The following DIS3L2 variants were observed in gnomAD, a reference collection of about 807,000 sequenced individuals.
DIS3L2 encodes the protein DIS3-like exonuclease 2.
A neutral mutation model predicts 97.5 loss-of-function variants in DIS3L2; 34 were observed. The ratio of observed to expected loss-of-function variants is 0.35; its 90% CI spans 0.27 to 0.46. DIS3L2 has a LOEUF of 0.46. DIS3L2 is among the 20% of genes least tolerant of loss of function. The pLI is 1.00. For missense variants in DIS3L2, 1,038 were observed against 1,146.0 expected (o/e 0.91, Z 1.36); for synonymous variants, 435 against 445.2 (o/e 0.98, Z 0.29).
intron 9 of DIS3L2, chr2:232,172,805 AG>A: frequency 1.9e-6 from 1 of 532,106 alleles, no homozygotes. Context: ...TTGTGATTAT[AG>A]CCATCATTGT....
intron 10 of DIS3L2, among the ~76,000 whole-genome samples, chr2:232,237,861 A>G (rs890300450): frequency 1.3e-5 from 2 of 152,220 alleles, no homozygotes; most frequent in Admixed American, 1.3e-4. Context: ...AGTATGAGCC[A>G]AGCCAACATC....
intron 9 of DIS3L2, among the ~76,000 whole-genome samples, chr2:232,193,999 A>G (rs1691681541): frequency 6.6e-6 from 1 of 152,158 alleles, no homozygotes; most frequent in African/African-American, 2.4e-5. Flanking sequence ...AGTCCCAGCT[A>G]CTTGGGAGGC....
chr2:232,100,580 T>G (rs919523884), intron 6 of DIS3L2, among the ~76,000 whole-genome samples: 7 of 152,098 alleles, frequency 4.6e-5, no homozygotes, highest in Non-Finnish European at 8.8e-5. Context: ...GTTTTTATTA[T>G]TATTCACTTT....
At chr2:232,336,311 G>A (rs1379061174) in intron 20 of DIS3L2, 158 bp from the exon 21 acceptor site, 1 of 1,547,386 alleles carries the variant, frequency 6.5e-7, no homozygotes, top group African/African-American at 1.4e-5. Context: ...CTGACCCAGG[G>A]CATTCTTCCT....
Position 232,325,308 on chromosome 2 carries a change from T to G in DIS3L2, c.1740-4505T>G, listed in dbSNP as rs1695541898. Among the ~76,000 whole-genome samples, 1 of 152,204 alleles carries G rather than the reference T, an allele frequency of 6.6e-6. No individual in the cohort carries two copies. Among genetic ancestry groups the G allele is most frequent in the Non-Finnish European group, 1.5e-5 (1 of 68,036 alleles). ...CGTAAACGCATGAAGAGCCCTGCGTTTCATATATTGATGTTGTTGCTTTTT... is the reference window on the plus strand; with the variant it reads ...CGTAAACGCATGAAGAGCCCTGCGTGTCATATATTGATGTTGTTGCTTTTT... On this transcript the variant is annotated intron_variant, in intron 14 of 20. Transcript: ENST00000325385. The surrounding 1 kb of genome is among the most constrained non-coding windows in gnomAD (Gnocchi z 4.6).
rs575740946 is a variant in DIS3L2 at position 232,238,675 on chromosome 2, T to G, written c.1317+30T>G. ...AAATCCATCTCTAGTTTCTTTTTTC[T>G]TGCTTTGTTTATTTGTTTGTTTCCC... On this transcript the variant is annotated intron_variant, in intron 11 of 20. Coordinates refer to ENST00000325385, the MANE Select transcript of DIS3L2 (RefSeq NM_152383.5). 3.2e-6 allele frequency: 5 copies of G among 1,574,562 alleles called. No homozygotes were observed. The African/African-American group carries it at 6.8e-5, about 21-fold the overall frequency.
Position 231,996,173 on chromosome 2 carries a change from G to A in DIS3L2, c.-93-18662G>A, listed in dbSNP as rs542567094. On this transcript the variant is annotated intron_variant, in intron 1 of 20. Coordinates refer to ENST00000325385, the MANE Select transcript of DIS3L2 (RefSeq NM_152383.5). Reference sequence around the variant, plus strand: ...AATGTCTTTGCCAGAGTAATCCCATGGAATTGGGAGGATGGTCTTTGGTCC... The same window carrying A: ...AATGTCTTTGCCAGAGTAATCCCATAGAATTGGGAGGATGGTCTTTGGTCC... Among the ~76,000 whole-genome samples, 6 of 152,342 alleles carry A rather than the reference G, an allele frequency of 3.9e-5. No homozygotes were observed. The South Asian group carries it at 1.2e-3, about 32-fold the overall frequency.
intron 6 of DIS3L2, among the ~76,000 whole-genome samples, chr2:232,126,767 G>T (rs755540242): frequency 2.6e-5 from 4 of 152,174 alleles, no homozygotes; most frequent in African/African-American, 2.4e-5. Flanking sequence ...CCCTCCCACA[G>T]GGCCATTCTA....
At chr2:232,024,219 G>A (rs1368031710) in intron 3 of DIS3L2, 58 bp from the exon 4 acceptor site, 6 of 1,300,928 alleles carry the variant, frequency 4.6e-6, no homozygotes, top group South Asian at 1.4e-5. Context: ...AATAACATAC[G>A]TGGAAAAATC....
intron 5 of DIS3L2, among the ~76,000 whole-genome samples, chr2:232,044,011 A>G (rs866335195): frequency 6.6e-6 from 1 of 152,224 alleles, no homozygotes; most frequent in Admixed American, 6.5e-5. Flanking sequence ...AAAATATGGT[A>G]GATTTGGAAA....
chr2:231,973,232 C>T lies in DIS3L2; in HGVS notation c.-94+11467C>T, dbSNP rs77245717. On this transcript the variant is annotated intron_variant, in intron 1 of 20. Coordinates refer to ENST00000325385, the MANE Select transcript of DIS3L2 (RefSeq NM_152383.5). ...CTATTAAAGTTATCTATTACTTGAA[C>T]GAACTTAACACACTTTTCAGAAGAT... is the stretch of plus-strand genomic sequence containing the variant. Among the ~76,000 whole-genome samples the T allele has an allele frequency of 9.5e-3, 1,444 of 152,106 alleles. 18 individuals carry two copies. The highest frequency in any genetic ancestry group is 0.024 in the South Asian group (116 of 4,822).
At chr2:232,101,885 T>C (rs547623782) in intron 6 of DIS3L2, among the ~76,000 whole-genome samples, 1 of 152,248 alleles carries the variant, frequency 6.6e-6, no homozygotes, top group African/African-American at 2.4e-5. Flanking sequence ...CAAGAATCAT[T>C]GCTGGATACT....
intron 12 of DIS3L2, among the ~76,000 whole-genome samples, chr2:232,258,412 G>A (rs1693624773): frequency 1.3e-5 from 2 of 151,942 alleles, no homozygotes; most frequent in South Asian, 2.1e-4. Flanking sequence ...GTGAAACCCC[G>A]TCTCTACTAA....
At position 232,267,103 on chromosome 2, in the gene DIS3L2, C is replaced by T. The variant is rs552517702; in HGVS notation, c.1659+3663C>T. Among the ~76,000 whole-genome samples the T allele has an allele frequency of 4.6e-5, 7 of 152,182 alleles. No individual in the cohort carries two copies. The South Asian group carries it at 6.2e-4, about 14-fold the overall frequency. On this transcript the variant is annotated intron_variant, in intron 13 of 20. Transcript: ENST00000325385. Reference sequence around the variant, plus strand: ...TGTATTTGCAGTTGGCAACTTAGACCGGAGCTGCCTAACCCATGTCTGAGT... The same window carrying T: ...TGTATTTGCAGTTGGCAACTTAGACTGGAGCTGCCTAACCCATGTCTGAGT...
At chr2:232,326,815 G>A (rs965045101) in intron 14 of DIS3L2, among the ~76,000 whole-genome samples, 2 of 151,006 alleles carry the variant, frequency 1.3e-5, no homozygotes, top group Non-Finnish European at 2.9e-5. Flanking sequence ...CCCTGGCAAG[G>A]TGGGCCTCTC....
intron 1 of DIS3L2, among the ~76,000 whole-genome samples, chr2:231,998,996 G>A (rs1693802818): frequency 6.6e-6 from 1 of 152,158 alleles, no homozygotes; most frequent in Non-Finnish European, 1.5e-5. Flanking sequence ...TTCTGGAACA[G>A]CAAGATATTC....
chr2:232,317,580 G>T (rs1695309948), intron 14 of DIS3L2, among the ~76,000 whole-genome samples: 1 of 152,064 alleles, frequency 6.6e-6, no homozygotes, highest in Non-Finnish European at 1.5e-5. Flanking sequence ...GGGATTACAG[G>T]TGCCCTCCAC....
At chr2:232,233,937 C>A (rs1218211128) in intron 10 of DIS3L2, among the ~76,000 whole-genome samples, 1 of 152,160 alleles carries the variant, frequency 6.6e-6, no homozygotes, top group African/African-American at 2.4e-5. Flanking sequence ...ACCAAAAGAG[C>A]CTGCAGGGAC....
At chr2:232,318,281 G>T (rs1488132805) in intron 14 of DIS3L2, among the ~76,000 whole-genome samples, 2 of 152,218 alleles carry the variant, frequency 1.3e-5, no homozygotes, top group Admixed American at 1.3e-4. Flanking sequence ...CTTAGAAAAC[G>T]ACCCCTAGGA....
Sources: allele counts gnomAD v4.1 joint callset (sites outside exome capture counted in the v4.1 genomes callset), GRCh38; gene constraint gnomAD v4.1.1; non-coding constraint Gnocchi (gnomAD v3.1); transcripts MANE v1.5; gene names NCBI Gene and HGNC (gene_info 2026-07-23, HGNC 2026-07-21).